The following DIPK1A variants were observed in gnomAD, a reference collection of about 807,000 sequenced individuals.
DIPK1A encodes the protein family with sequence similarity 69 member A.
Under a neutral mutation model 40.8 loss-of-function variants are expected in DIPK1A, and 27 were observed. The ratio of observed to expected loss-of-function variants is 0.66; its 90% CI spans 0.49 to 0.91. The LOEUF is 0.91. Ranked by LOEUF, DIPK1A falls within the 40% of genes least tolerant of loss-of-function variation. The pLI is 0.00. For synonymous variants in DIPK1A, 166 were observed against 171.3 expected, an observed-to-expected ratio of 0.97 and a Z score of 0.24; for missense variants, 412 against 505.7, an observed-to-expected ratio of 0.81 and a Z score of 1.78.
intron 1 of DIPK1A, among the ~76,000 whole-genome samples, chr1:92,881,810 G>C (rs1015907851): frequency 2.0e-5 from 3 of 152,142 alleles, no homozygotes; most frequent in African/African-American, 7.2e-5. Flanking sequence ...ATTAAGGGTT[G>C]TTATCTCAAA....
Position 92,846,821 on chromosome 1 carries a change from A to ATGTG in DIPK1A, c.474+361_474+362insCACA, listed in dbSNP as rs1553123783. Among the ~76,000 whole-genome samples, 2 of 4,046 alleles carry ATGTG rather than the reference A, an allele frequency of 4.9e-4. 1 individual carries two copies. Among genetic ancestry groups the ATGTG allele is most frequent in the East Asian group, 0.023 (2 of 86 alleles). 2.7% of individuals were successfully genotyped at this position (4,046 alleles called of 152,430 possible). On this transcript the variant is annotated intron_variant, in intron 4 of 4. Transcript: ENST00000370310. ...TATATATATATATATATATATATAT[A>ATGTG]TATATATATATATATATATATGTGT...
chr1:92,903,362 T>C (rs903250167), intron 1 of DIPK1A, among the ~76,000 whole-genome samples: 7 of 152,208 alleles, frequency 4.6e-5, no homozygotes, highest in Non-Finnish European at 7.4e-5. Flanking sequence ...TACACTGCTT[T>C]CTAAAATGCT....
chr1:92,841,307 C>G (rs1687354482), downstream of DIPK1A, among the ~76,000 whole-genome samples: 1 of 152,116 alleles, frequency 6.6e-6, no homozygotes, highest in Non-Finnish European at 1.5e-5. Context: ...TTTCACTGAG[C>G]ACAATATTCT....
chr1:92,879,216 A>G (rs927157582), intron 1 of DIPK1A, among the ~76,000 whole-genome samples: 1 of 152,116 alleles, frequency 6.6e-6, no homozygotes, highest in Non-Finnish European at 1.5e-5. Context: ...ATTACAACAC[A>G]TGTATCTTTT....
Position 92,842,599 on chromosome 1 carries a change from T to C in DIPK1A, c.*784A>G, listed in dbSNP as rs1029198435. On this transcript the variant is annotated 3_prime_UTR_variant, in exon 5 of 5. Transcript: ENST00000370310. ...CTAAAAAGTCTGCTATAATTTATTT[T>C]AGTCTTGCACTTACAGTCCCACTTT... 3.2e-5 allele frequency: 30 copies of C among 936,892 alleles called. No individual in the cohort carries two copies. Among genetic ancestry groups the C allele is most frequent in the Non-Finnish European group, 3.7e-5 (30 of 808,026 alleles). 58.0% of individuals were successfully genotyped at this position (936,892 alleles called of 1,614,324 possible). A position where few individuals can be genotyped will look rare whatever the true frequency, so the allele number is the denominator to read the frequency against.
chr1:92,917,712 C>T (rs994343972), intron 1 of DIPK1A, among the ~76,000 whole-genome samples: 1 of 152,166 alleles, frequency 6.6e-6, no homozygotes, highest in Admixed American at 6.5e-5. Context: ...AAAGTCCACA[C>T]TAGCTCAATA....
At chr1:92,907,645 G>T (rs1649676199) in intron 1 of DIPK1A, among the ~76,000 whole-genome samples, 1 of 151,762 alleles carries the variant, frequency 6.6e-6, no homozygotes. Context: ...TTGCTATGCT[G>T]CCCAGGCTTG....
chr1:92,834,639 A>AG lies in DIPK1A; in HGVS notation c.475-1606_475-1605insC, dbSNP rs1258618317. The AG allele has an allele frequency of 3.6e-6, 4 of 1,100,300 alleles. No homozygotes were observed. In the African/African-American group the frequency reaches 6.2e-5, roughly 17 times the overall value. 68.2% of individuals were successfully genotyped at this position (1,100,300 alleles called of 1,614,324 possible). A position where few individuals can be genotyped will look rare whatever the true frequency, so the allele number is the denominator to read the frequency against. On this transcript the variant is annotated intron_variant, in intron 4 of 4. Coordinates refer to the DIPK1A transcript ENST00000615519. ...TTTTAAGCACCTCTAATTTACTGGT[A>AG]ACCCAGCTAAGAGTCTTAAGCATTT...
At chr1:92,864,893 T>C (rs1329985374) in intron 2 of DIPK1A, among the ~76,000 whole-genome samples, 1 of 151,760 alleles carries the variant, frequency 6.6e-6, no homozygotes, top group Non-Finnish European at 1.5e-5. Context: ...TACAAAAAAA[T>C]TAGCTGGGCA....
intron 1 of DIPK1A, among the ~76,000 whole-genome samples, chr1:92,897,651 T>C (rs1185509285): frequency 3.2e-5 from 3 of 92,738 alleles, no homozygotes; most frequent in Non-Finnish European, 6.4e-5. Context: ...AAACTTAAAG[T>C]ATAATAAAAA....
chr1:92,855,657 A>G (rs780052206), intron 2 of DIPK1A, among the ~76,000 whole-genome samples: 3 of 151,878 alleles, frequency 2.0e-5, no homozygotes, highest in Non-Finnish European at 4.4e-5. Flanking sequence ...CGATCATGCC[A>G]TTGTACTCCA....
chr1:92,951,915 A>G (rs1205539617), intron 1 of DIPK1A, among the ~76,000 whole-genome samples: 1 of 138,380 alleles, frequency 7.2e-6, no homozygotes, highest in Non-Finnish European at 1.6e-5. Flanking sequence ...ATATACATAA[A>G]TACTCCCCCG....
Position 92,847,054 on chromosome 1 carries a change from A to T in DIPK1A, c.474+129T>A. 1.5e-5 allele frequency: 9 copies of T among 594,684 alleles called. No homozygotes were observed. In the South Asian group the frequency reaches 4.5e-4, roughly 30 times the overall value. The allele number at this position is 594,684 out of a possible 1,614,324, so 36.8% of individuals were successfully genotyped here. On this transcript the variant is annotated intron_variant, in intron 4 of 4. Coordinates refer to ENST00000370310, the MANE Select transcript of DIPK1A (RefSeq NM_001006605.5). ...CCACCACGCCCGGCCTCTTATAATT[A>T]TTTCCTCAGGATGGAGAATCTGATA...
At chr1:92,925,482 T>TG (rs1295983354) in intron 1 of DIPK1A, among the ~76,000 whole-genome samples, 2 of 152,058 alleles carry the variant, frequency 1.3e-5, no homozygotes, top group Non-Finnish European at 2.9e-5. Flanking sequence ...TTCAGTTTTT[T>TG]GGGGTTTTTT....
chr1:92,919,020 G>C (rs1376711875), intron 1 of DIPK1A, among the ~76,000 whole-genome samples: 2 of 152,138 alleles, frequency 1.3e-5, no homozygotes, highest in East Asian at 3.9e-4. Flanking sequence ...ACAAGCCATG[G>C]GCTGGTACTG....
intron 1 of DIPK1A, among the ~76,000 whole-genome samples, chr1:92,901,490 G>T (rs746958148): frequency 6.6e-6 from 1 of 152,070 alleles, no homozygotes; most frequent in Non-Finnish European, 1.5e-5. Flanking sequence ...GGCTGCAGCT[G>T]TGATTGTACC....
chr1:92,843,243 T>A lies in DIPK1A; in HGVS notation c.*140A>T. ...CCTACACCTGCCATTACTTCAGTGATCACATACTGATGGCTTCTCAGGCCT... is the reference window on the plus strand; with the variant it reads ...CCTACACCTGCCATTACTTCAGTGAACACATACTGATGGCTTCTCAGGCCT... On this transcript the variant is annotated 3_prime_UTR_variant, in exon 5 of 5. Transcript: ENST00000370310. 1.5e-5 allele frequency: 21 copies of A among 1,436,222 alleles called. No individual in the cohort carries two copies. Among genetic ancestry groups the A allele is most frequent in the Non-Finnish European group, 1.9e-5 (21 of 1,094,808 alleles). 89.0% of individuals were successfully genotyped at this position (1,436,222 alleles called of 1,614,324 possible).
intron 1 of DIPK1A, among the ~76,000 whole-genome samples, chr1:92,915,384 C>T (rs1650012943): frequency 6.6e-6 from 1 of 152,170 alleles, no homozygotes; most frequent in Non-Finnish European, 1.5e-5. Flanking sequence ...TATACACATA[C>T]AGTTACAGTC....
Position 92,957,393 on chromosome 1 carries a change from T to G in DIPK1A, c.54+3983A>C, listed in dbSNP as rs994206634. Among the ~76,000 whole-genome samples the G allele has an allele frequency of 5.9e-5, 9 of 152,246 alleles. No individual in the cohort carries two copies. The East Asian group carries it at 1.7e-3, about 29-fold the overall frequency. ...ACTCTGTTCAATGTGCTGCATCATT[T>G]AGCCAGTCCAGGAAGTGTTATTTCC... On this transcript the variant is annotated intron_variant, in intron 1 of 4. Coordinates refer to ENST00000370310, the MANE Select transcript of DIPK1A (RefSeq NM_001006605.5).
Sources: allele counts gnomAD v4.1 joint callset (sites outside exome capture counted in the v4.1 genomes callset), GRCh38; gene constraint gnomAD v4.1.1; transcripts MANE v1.5; gene names NCBI Gene and HGNC (gene_info 2026-07-23, HGNC 2026-07-21).